Variants in ZHX2 observed in about 807,000 individuals in gnomAD.
ZHX2 encodes zinc fingers and homeoboxes protein 2.
In ZHX2, 6 loss-of-function variants were observed where a neutral mutation model predicts 21.9. That is an observed-to-expected ratio of 0.27 (90% CI 0.15 to 0.54). The LOEUF (loss-of-function observed/expected upper bound fraction) is 0.54. Ranked by LOEUF, ZHX2 falls within the 20% of genes least tolerant of loss-of-function variation. ZHX2 has a pLI of 0.95. For synonymous variants in ZHX2, 434 were observed against 437.1 expected (o/e 0.99, Z 0.09); for missense variants, 908 against 1,090.7 (o/e 0.83, Z 2.36).
At chr8:122,837,774 C>G (rs1337866715) in intron 1 of ZHX2, among the ~76,000 whole-genome samples, 2 of 152,186 alleles carry the variant, frequency 1.3e-5, no homozygotes, top group Non-Finnish European at 2.9e-5. Flanking sequence ...TTCACACTTG[C>G]CAACAGATAA....
chr8:122,825,830 G>A (rs752233552), intron 1 of ZHX2, among the ~76,000 whole-genome samples: 6 of 152,176 alleles, frequency 3.9e-5, no homozygotes, highest in Admixed American at 1.3e-4. Flanking sequence ...CAGAAACCAC[G>A]CTGCACCAAC....
rs551771940 is a variant in ZHX2 at position 122,943,202 on chromosome 8, C to T, written c.-219-8090C>T. Among the ~76,000 whole-genome samples, 10 of 152,012 alleles carry T rather than the reference C, an allele frequency of 6.6e-5. No homozygotes were observed. In the South Asian group the frequency reaches 1.0e-3, roughly 16 times the overall value. ...GTTTGAGCCCGGAGTGTGGAGGTTG[C>T]GGTGAGCCAAGATCGCACCACTGCA... On this transcript the variant is annotated intron_variant, in intron 2 of 3. Coordinates refer to ENST00000314393, the MANE Select transcript of ZHX2 (RefSeq NM_014943.5).
intron 1 of ZHX2, among the ~76,000 whole-genome samples, chr8:122,833,261 G>A (rs1408449281): frequency 1.3e-5 from 2 of 152,174 alleles, no homozygotes; most frequent in Non-Finnish European, 2.9e-5. Flanking sequence ...CTGGGGTCCT[G>A]GACTAAGCAT....
chr8:122,952,786 G>A lies in ZHX2; in HGVS notation c.1276G>A (p.Val426Met). 6.2e-7 allele frequency: 1 copy of A among 1,614,010 alleles called. No individual in the cohort carries two copies. Among genetic ancestry groups the A allele is most frequent in the Middle Eastern group, 1.6e-4 (1 of 6,062 alleles). The change falls in exon 3 of 4, where the codon GTG (valine) becomes ATG (methionine). Residue 426 changes from valine (V) to methionine (M), a missense_variant. Val to Met is a conservative substitution (Grantham distance 21, BLOSUM62 1). Coordinates refer to ENST00000314393, the MANE Select transcript of ZHX2 (RefSeq NM_014943.5). The surrounding 1 kb of genome is among the most constrained non-coding windows in gnomAD (Gnocchi z 6.9). ...PEPKRPHIAQ[V>M]PEPPPKVANP... ...ACCCAAGCGTCCACACATCGCTCAG[G>A]TGCCAGAGCCCCCACCCAAGGTGGC...
At position 122,782,087 on chromosome 8, in the gene ZHX2, G is replaced by C. The variant is rs544383412; in HGVS notation, c.-283+141G>C. 10 of 141,102 alleles carry C rather than the reference G, an allele frequency of 7.1e-5. No individual in the cohort carries two copies. The highest frequency in any genetic ancestry group is 2.5e-4 in the African/African-American group (10 of 39,506). The allele number at this position is 141,102 out of a possible 1,614,324, so 8.7% of individuals were successfully genotyped here. A position where few individuals can be genotyped will look rare whatever the true frequency, so the allele number is the denominator to read the frequency against. ...GGCTCCCGAAAATGTGTTGTTAATGGGACTTGGCCGGGTTTGTGATTGGAA... is the reference window on the plus strand; with the variant it reads ...GGCTCCCGAAAATGTGTTGTTAATGCGACTTGGCCGGGTTTGTGATTGGAA... On this transcript the variant is annotated intron_variant, in intron 1 of 3. Coordinates refer to ENST00000314393, the MANE Select transcript of ZHX2 (RefSeq NM_014943.5). The surrounding 1 kb of genome is among the most constrained non-coding windows in gnomAD (Gnocchi z 5.3).
chr8:122,807,509 C>T (rs1383808769), intron 1 of ZHX2, among the ~76,000 whole-genome samples: 1 of 152,162 alleles, frequency 6.6e-6, no homozygotes, highest in African/African-American at 2.4e-5. Context: ...TAGCCTTTTA[C>T]TTTAGATGGA....
At chr8:122,950,825 A>G (rs892920628) in intron 2 of ZHX2, among the ~76,000 whole-genome samples, 1 of 151,190 alleles carries the variant, frequency 6.6e-6, no homozygotes, top group Non-Finnish European at 1.5e-5. Flanking sequence ...ACTTTTCTGC[A>G]TTTTCTGGAT....
At chr8:122,817,348 C>T (rs1818056827) in intron 1 of ZHX2, among the ~76,000 whole-genome samples, 1 of 152,176 alleles carries the variant, frequency 6.6e-6, no homozygotes, top group Non-Finnish European at 1.5e-5. Context: ...TCACTGTGCC[C>T]AGCACCAGAC....
intron 1 of ZHX2, among the ~76,000 whole-genome samples, chr8:122,846,571 C>T (rs1259974923): frequency 6.8e-6 from 1 of 147,002 alleles, no homozygotes; most frequent in Non-Finnish European, 1.5e-5. Context: ...TTTTTTTTGC[C>T]AGTCTCCATG....
At chr8:122,788,174 A>T (rs953708467) in intron 1 of ZHX2, among the ~76,000 whole-genome samples, 1 of 152,246 alleles carries the variant, frequency 6.6e-6, no homozygotes, top group African/African-American at 2.4e-5. Context: ...ACTATGTGCT[A>T]GGCACTCTGC....
intron 2 of ZHX2, among the ~76,000 whole-genome samples, chr8:122,869,325 G>T (rs201648518): frequency 5.5e-5 from 8 of 145,056 alleles, no homozygotes; most frequent in East Asian, 2.0e-4. Context: ...ATCCTTTTTT[G>T]TTTTTTTTTT....
intron 1 of ZHX2, chr8:122,809,140 A>G (rs1339644452): frequency 6.6e-6 from 1 of 152,306 alleles, no homozygotes; most frequent in Non-Finnish European, 1.5e-5. Flanking sequence ...TGGCAGTTAC[A>G]TCATAACAGA....
intron 2 of ZHX2, among the ~76,000 whole-genome samples, chr8:122,923,156 C>T (rs1820777889): frequency 1.3e-5 from 2 of 152,270 alleles, no homozygotes; most frequent in South Asian, 2.1e-4. Flanking sequence ...TATTGCTGCA[C>T]AGCAAACCAC....
chr8:122,937,807 C>T (rs976900714), intron 2 of ZHX2, among the ~76,000 whole-genome samples: 1 of 151,962 alleles, frequency 6.6e-6, no homozygotes, highest in Admixed American at 6.6e-5. Context: ...TCGAGCTCCT[C>T]CTGAACTCAA....
Position 122,953,754 on chromosome 8 carries a change from G to A in ZHX2, c.2244G>A (p.Arg748=). ...CEEDLEKLVT[R]VKVGSEPAKD... The stretch of plus-strand genomic sequence containing the variant: ...AGGACTTGGAGAAGTTGGTGACCAG[G>A]GTAAAAGTAGGCAGCGAGCCAGCAA... The change falls in exon 3 of 4, where the codon AGG becomes AGA. Residue 748 remains arginine (R), a synonymous_variant. Transcript: ENST00000314393. This position sits in a 1 kb window ranked among gnomAD's most constrained non-coding sequence, Gnocchi z 4.6. 1 of 1,614,268 alleles carries A rather than the reference G, an allele frequency of 6.2e-7. No individual in the cohort carries two copies.
chr8:122,835,371 GA>G (rs747811655), intron 1 of ZHX2, among the ~76,000 whole-genome samples: 1 of 152,232 alleles, frequency 6.6e-6, no homozygotes, highest in Non-Finnish European at 1.5e-5. Flanking sequence ...TTTGAAGGGG[GA>G]AGGGTGGTTG....
At chr8:122,905,394 T>G (rs1333098256) in intron 2 of ZHX2, among the ~76,000 whole-genome samples, 2 of 152,118 alleles carry the variant, frequency 1.3e-5, no homozygotes, top group Non-Finnish European at 2.9e-5. Flanking sequence ...TTTTAAAAAC[T>G]GTCAACCCAG....
Position 122,797,582 on chromosome 8 carries a change from G to C in ZHX2, c.-283+15636G>C, listed in dbSNP as rs183494722. 1.8e-3 allele frequency among the ~76,000 whole-genome samples: 277 copies of C among 151,674 alleles called. 1 individual carries two copies. Among genetic ancestry groups the C allele is most frequent in the African/African-American group, 6.5e-3 (267 of 41,318 alleles). ...CTGAATCCAGGCCGACAAAGTTTCG[G>C]GGCAAAGTCCAGACCTGAACAGAAG... On this transcript the variant is annotated intron_variant, in intron 1 of 3. Coordinates refer to ENST00000314393, the MANE Select transcript of ZHX2 (RefSeq NM_014943.5).
At chr8:122,899,145 G>A (rs1563773576) in intron 2 of ZHX2, among the ~76,000 whole-genome samples, 1 of 152,036 alleles carries the variant, frequency 6.6e-6, no homozygotes, top group Non-Finnish European at 1.5e-5. Context: ...CCTCATACAG[G>A]TACTCGTGAA....
Sources: allele counts gnomAD v4.1 joint callset (sites outside exome capture counted in the v4.1 genomes callset), GRCh38; gene constraint gnomAD v4.1.1; non-coding constraint Gnocchi (gnomAD v3.1); transcripts MANE v1.5; gene names NCBI Gene and HGNC (gene_info 2026-07-23, HGNC 2026-07-21).